Variants in PHLDB2 observed in about 807,000 individuals in gnomAD.
PHLDB2 encodes pleckstrin homology like domain family B member 2, also known as pleckstrin homology-like domain family B member 2.
Under a neutral mutation model 123.6 loss-of-function variants are expected in PHLDB2, and 71 were observed. The ratio of observed to expected loss-of-function variants is 0.57; its 90% confidence interval spans 0.47 to 0.70. The LOEUF is 0.70. PHLDB2 is among the 30% of genes least tolerant of loss of function. The pLI is 0.00. For synonymous variants in PHLDB2, 547 were observed against 541.6 expected (o/e 1.01, Z -0.14); for missense variants, 1,446 against 1,519.5 (o/e 0.95, Z 0.80).
intron 1 of PHLDB2, among the ~76,000 whole-genome samples, chr3:111,842,512 T>C (rs1430734634): frequency 6.6e-6 from 1 of 152,232 alleles, no homozygotes; most frequent in Middle Eastern, 3.2e-3. Context: ...AAATATATAA[T>C]AACCTGTATC....
At chr3:111,831,965 T>A (rs141196562) in intron 1 of PHLDB2, among the ~76,000 whole-genome samples, 2 of 152,260 alleles carry the variant, frequency 1.3e-5, no homozygotes, top group East Asian at 3.9e-4. Flanking sequence ...AGTTACTCCC[T>A]CCAATCCTAG....
intron 11 of PHLDB2, among the ~76,000 whole-genome samples, chr3:111,953,054 A>T (rs1387438956): frequency 2.0e-5 from 3 of 152,208 alleles, no homozygotes; most frequent in Non-Finnish European, 4.4e-5. Context: ...ACAAATATTT[A>T]TTCAGACATT....
At chr3:111,816,011 A>G (rs1289150659) in intron 1 of PHLDB2, among the ~76,000 whole-genome samples, 2 of 152,224 alleles carry the variant, frequency 1.3e-5, no homozygotes, top group Non-Finnish European at 2.9e-5. Context: ...GTAAGCCCCA[A>G]GCCTTAGCAG....
intron 1 of PHLDB2, among the ~76,000 whole-genome samples, chr3:111,743,900 T>C (rs2059643307): frequency 6.6e-6 from 1 of 152,240 alleles, no homozygotes; most frequent in Admixed American, 6.5e-5. Context: ...AATTTTCATA[T>C]TGGTTTCATT....
At chr3:111,761,363 G>T (rs1373690917) in intron 1 of PHLDB2, among the ~76,000 whole-genome samples, 1 of 152,050 alleles carries the variant, frequency 6.6e-6, no homozygotes, top group Non-Finnish European at 1.5e-5. Flanking sequence ...AGCAGAAGTG[G>T]GTATGGGTAC....
chr3:111,757,979 T>A (rs917291061), intron 1 of PHLDB2, among the ~76,000 whole-genome samples: 7 of 152,034 alleles, frequency 4.6e-5, no homozygotes, highest in Non-Finnish European at 1.5e-5. Context: ...CTCAGAGGAG[T>A]ACCCGGCCGT....
chr3:111,830,947 GA>G (rs879699526), intron 1 of PHLDB2, among the ~76,000 whole-genome samples: 13,497 of 101,802 alleles, frequency 0.13, 2,338 homozygotes, highest in African/African-American at 0.38. Flanking sequence ...AAGAAGGAAA[GA>G]AAGAAAGAGA....
In PHLDB2 at chr3:111,897,234, A is replaced by G. The variant is rs529705135; in HGVS notation, c.1335+11822A>G. ...CAGCAGAGTTCTGTGGAAATTGGGCAGGTTGTTGCAGTCACTGGTTCATCA... is the reference window on the plus strand; with the variant it reads ...CAGCAGAGTTCTGTGGAAATTGGGCGGGTTGTTGCAGTCACTGGTTCATCA... On this transcript the variant is annotated intron_variant, in intron 2 of 17. Transcript: ENST00000431670. Among the ~76,000 whole-genome samples the G allele has an allele frequency of 5.3e-5, 8 of 152,304 alleles. No individual in the cohort carries two copies. In the East Asian group the frequency reaches 1.5e-3, roughly 29 times the overall value.
At chr3:111,761,013 C>T (rs113291946) in intron 1 of PHLDB2, among the ~76,000 whole-genome samples, 15 of 151,722 alleles carry the variant, frequency 9.9e-5, no homozygotes, top group African/African-American at 3.1e-4. Flanking sequence ...GGTGAAACCC[C>T]GTCTCTACTA....
intron 1 of PHLDB2, among the ~76,000 whole-genome samples, chr3:111,764,587 A>G (rs1337099619): frequency 6.6e-6 from 1 of 152,224 alleles, no homozygotes; most frequent in Non-Finnish European, 1.5e-5. Flanking sequence ...TATGATAAAA[A>G]AAAATACCCC....
chr3:111,902,293 A>C (rs1264931251), intron 2 of PHLDB2, among the ~76,000 whole-genome samples: 1 of 152,182 alleles, frequency 6.6e-6, no homozygotes, highest in Non-Finnish European at 1.5e-5. Context: ...TGTTTAATGT[A>C]AATGAAAATC....
intron 5 of PHLDB2, among the ~76,000 whole-genome samples, chr3:111,928,327 A>T (rs1201892699): frequency 6.6e-6 from 1 of 152,214 alleles, no homozygotes. Context: ...TTCATTAGAA[A>T]AATCAAATTG....
chr3:111,825,728 G>A (rs1047875417), intron 1 of PHLDB2, among the ~76,000 whole-genome samples: 1 of 152,224 alleles, frequency 6.6e-6, no homozygotes, highest in Non-Finnish European at 1.5e-5. Flanking sequence ...GATTGCCGGG[G>A]TGAGCCACCT....
chr3:111,817,549 T>C (rs2062146720), intron 1 of PHLDB2, among the ~76,000 whole-genome samples: 1 of 152,212 alleles, frequency 6.6e-6, no homozygotes, highest in African/African-American at 2.4e-5. Context: ...TACCATCTTT[T>C]TATTCTTTAC....
At chr3:111,852,958 T>G (rs946268782) in intron 2 of PHLDB2, among the ~76,000 whole-genome samples, 1 of 152,192 alleles carries the variant, frequency 6.6e-6, no homozygotes, top group African/African-American at 2.4e-5. Flanking sequence ...AACCAGCACA[T>G]GGGGATAATC....
chr3:111,844,922 T>C (rs2063884981), intron 1 of PHLDB2, among the ~76,000 whole-genome samples: 2 of 152,312 alleles, frequency 1.3e-5, no homozygotes, highest in South Asian at 4.1e-4. Context: ...ACTTACATGA[T>C]AGTGGGACCA....
intron 2 of PHLDB2, among the ~76,000 whole-genome samples, chr3:111,886,242 A>G (rs960867290): frequency 3.9e-5 from 6 of 152,338 alleles, no homozygotes; most frequent in East Asian, 1.9e-4. Flanking sequence ...ACAGCAACAC[A>G]GTAGGATTAT....
intron 1 of PHLDB2, among the ~76,000 whole-genome samples, chr3:111,836,611 A>G (rs748304734): frequency 2.0e-5 from 3 of 152,188 alleles, no homozygotes; most frequent in Non-Finnish European, 4.4e-5. Flanking sequence ...TTCACATGCT[A>G]TAAAGAACCA....
At chr3:111,812,217 C>G (rs1215587577) in intron 1 of PHLDB2, among the ~76,000 whole-genome samples, 1 of 152,112 alleles carries the variant, frequency 6.6e-6, no homozygotes, top group Non-Finnish European at 1.5e-5. Context: ...GAACATCATC[C>G]ATATATCCAG....
Sources: allele counts gnomAD v4.1 joint callset (sites outside exome capture counted in the v4.1 genomes callset), GRCh38; gene constraint gnomAD v4.1.1; transcripts MANE v1.5; gene names NCBI Gene and HGNC (gene_info 2026-07-23, HGNC 2026-07-21).